Variants in SLC24A4 observed in about 807,000 individuals in gnomAD.
SLC24A4 encodes sodium/potassium/calcium exchanger 4.
SLC24A4 carries 53 observed loss-of-function variants against 79.0 expected under a neutral mutation model. The ratio of observed to expected loss-of-function variants is 0.67; its 90% CI spans 0.54 to 0.84. The LOEUF (loss-of-function observed/expected upper bound fraction) is 0.84. Among genes scored for constraint, SLC24A4 ranks in the 40% least tolerant of loss-of-function variants. The pLI is 0.00. For synonymous variants in SLC24A4, 323 were observed against 323.8 expected, an observed-to-expected ratio of 1.00 and a Z score of 0.03; for missense variants, 731 against 822.0, an observed-to-expected ratio of 0.89 and a Z score of 1.35.
intron 2 of SLC24A4, among the ~76,000 whole-genome samples, chr14:92,404,910 A>G (rs1890296513): frequency 6.6e-6 from 1 of 152,304 alleles, no homozygotes; most frequent in South Asian, 2.1e-4. Flanking sequence ...GGTCCTCAGT[A>G]AATACCTACT....
rs78177185 is a variant in SLC24A4, at chr14:92,367,503, G to A, written c.241+41525G>A. 3.2e-3 allele frequency among the ~76,000 whole-genome samples: 484 copies of A among 152,300 alleles called. 1 individual carries two copies. The highest frequency in any genetic ancestry group is 0.011 in the African/African-American group (473 of 41,548). ...TTTGTTTATCCCAAGGTTGGTCTCC[G>A]GCCTACCTGGGAAGATGAGATTTGA... On this transcript the variant is annotated intron_variant, in intron 2 of 16. Transcript: ENST00000532405.
chr14:92,346,766 C>T (rs952582843), intron 2 of SLC24A4, among the ~76,000 whole-genome samples: 1 of 152,192 alleles, frequency 6.6e-6, no homozygotes, highest in African/African-American at 2.4e-5. Context: ...GGCTGTGACC[C>T]AGACAGATTA....
At chr14:92,364,013 C>G (rs1370543538) in intron 2 of SLC24A4, among the ~76,000 whole-genome samples, 1 of 152,130 alleles carries the variant, frequency 6.6e-6, no homozygotes, top group African/African-American at 2.4e-5. Context: ...TCTCGTCTGT[C>G]CTGGTATCCT....
intron 2 of SLC24A4, among the ~76,000 whole-genome samples, chr14:92,384,693 G>A (rs1029111907): frequency 6.6e-6 from 1 of 152,172 alleles, no homozygotes; most frequent in African/African-American, 2.4e-5. Context: ...CTTTAAATGA[G>A]CATTACAGTG....
At chr14:92,370,367 C>A (rs755297792) in intron 2 of SLC24A4, among the ~76,000 whole-genome samples, 1 of 152,120 alleles carries the variant, frequency 6.6e-6, no homozygotes, top group Non-Finnish European at 1.5e-5. Flanking sequence ...AGATGGAGAT[C>A]ATAATTTCTG....
rs958694538 is a variant in SLC24A4, at chr14:92,449,093, G to GC, written c.759dup (p.Phe254LeufsTer13). 6.2e-7 allele frequency: 1 copy of GC among 1,614,052 alleles called. No individual in the cohort carries two copies. The highest frequency in any genetic ancestry group is 1.3e-5 in the African/African-American group (1 of 74,922). ...TTCCAGGTACAATGTGAAGATGCAAGCCTTTTTCACAGTCAAACAAAAGAG... is the reference window on the plus strand; with the variant it reads ...TTCCAGGTACAATGTGAAGATGCAAGCCCTTTTTCACAGTCAAACAAAAGAG... On this transcript the variant is annotated frameshift_variant, in exon 10 of 17. Transcript: ENST00000532405. LOFTEE classifies it high-confidence loss of function.
Position 92,449,093 on chromosome 14 carries a change from G to A in SLC24A4, c.757G>A (p.Ala253Thr), listed in dbSNP as rs1485872727. ...LIMKYNVKMQAFFTVKQKSIA... is the reference protein window; with the variant it reads ...LIMKYNVKMQTFFTVKQKSIA... ...TTCCAGGTACAATGTGAAGATGCAAGCCTTTTTCACAGTCAAACAAAAGAG... is the reference window on the plus strand; with the variant it reads ...TTCCAGGTACAATGTGAAGATGCAAACCTTTTTCACAGTCAAACAAAAGAG... Residue 253 changes from alanine to threonine, a missense_variant, in exon 10 of 17, where the codon GCC becomes ACC. By Grantham distance (58) the Ala-to-Thr change is moderately conservative (BLOSUM62 0). Transcript: ENST00000532405. 6 of 1,614,052 alleles carry A rather than the reference G, an allele frequency of 3.7e-6. No individual in the cohort carries two copies. Among genetic ancestry groups the A allele is most frequent in the African/African-American group, 2.7e-5 (2 of 74,922 alleles).
chr14:92,328,656 C>G (rs1331603852), intron 2 of SLC24A4, among the ~76,000 whole-genome samples: 1 of 152,256 alleles, frequency 6.6e-6, no homozygotes, highest in Non-Finnish European at 1.5e-5. Context: ...TTACCACCGG[C>G]CCAACCTTAT....
intron 1 of SLC24A4, among the ~76,000 whole-genome samples, chr14:92,324,884 G>C (rs554422697): frequency 2.7e-4 from 41 of 152,210 alleles, no homozygotes; most frequent in Non-Finnish European, 4.4e-4. Flanking sequence ...AGACCATTTA[G>C]AGAGGTGTAC....
chr14:92,466,973 G>A (rs992639268), intron 12 of SLC24A4, among the ~76,000 whole-genome samples: 1 of 152,218 alleles, frequency 6.6e-6, no homozygotes, highest in Non-Finnish European at 1.5e-5. Context: ...AACCTCTGAG[G>A]TGTGAGGCAC....
At position 92,398,686 on chromosome 14, in the gene SLC24A4, GA is replaced by G. The variant is rs111244952; in HGVS notation, c.242-35224del. 6.6e-6 allele frequency among the ~76,000 whole-genome samples: 1 copy of G among 152,192 alleles called. No individual in the cohort carries two copies. Among genetic ancestry groups the G allele is most frequent in the African/African-American group, 2.4e-5 (1 of 41,442 alleles). ...CCCTTCCTCGTGTTAGCCAAAGCGA[GA>G]AGGGGGGTTACTGTAGTTGCTTGGA... On this transcript the variant is annotated intron_variant, in intron 2 of 16. Transcript: ENST00000532405. The surrounding 1 kb of genome is among the most constrained non-coding windows in gnomAD (Gnocchi z 4.1).
At chr14:92,322,702 T>A (rs776628498), upstream of SLC24A4, 1 of 152,362 alleles carries the variant, frequency 6.6e-6, no homozygotes, top group Non-Finnish European at 1.5e-5. Flanking sequence ...TCCCAGCGGG[T>A]CCAAGCTCGT....
chr14:92,330,089 G>A (rs1402725905), intron 2 of SLC24A4, among the ~76,000 whole-genome samples: 1 of 152,108 alleles, frequency 6.6e-6, no homozygotes, highest in Admixed American at 6.5e-5. Flanking sequence ...GTGCTCGCTG[G>A]GCTGGAGACC....
chr14:92,466,693 C>T (rs1480727181), intron 12 of SLC24A4, among the ~76,000 whole-genome samples: 4 of 152,194 alleles, frequency 2.6e-5, no homozygotes, highest in East Asian at 1.9e-4. Flanking sequence ...GGGCTCTAAT[C>T]TGACAGTTGA....
At chr14:92,330,666 A>G (rs994719277) in intron 2 of SLC24A4, among the ~76,000 whole-genome samples, 2 of 152,240 alleles carry the variant, frequency 1.3e-5, no homozygotes, top group African/African-American at 4.8e-5. Flanking sequence ...TCCAAGATCA[A>G]GGTGACTGGT....
chr14:92,487,838 C>G (rs1017910011), intron 14 of SLC24A4, among the ~76,000 whole-genome samples: 26 of 152,092 alleles, frequency 1.7e-4, no homozygotes, highest in African/African-American at 6.0e-4. Context: ...GGGGAGGAAC[C>G]TTCCTTGCCC....
In SLC24A4 at chr14:92,494,120, G is replaced by C. The variant is rs1895846091; in HGVS notation, c.*492G>C. 1 of 155,348 alleles carries C rather than the reference G, an allele frequency of 6.4e-6. No homozygotes were observed. Among genetic ancestry groups the C allele is most frequent in the Non-Finnish European group, 1.4e-5 (1 of 69,660 alleles). The allele number at this position is 155,348 out of a possible 1,614,324, so 9.6% of individuals were successfully genotyped here. A position where few individuals can be genotyped will look rare whatever the true frequency, so the allele number is the denominator to read the frequency against. ...CTCCTGGGAGCCTCTGACTTTTGCT[G>C]GAAGCAGCCACAGTTTGGAAGGGGC... On this transcript the variant is annotated 3_prime_UTR_variant, in exon 17 of 17. Transcript: ENST00000532405. The surrounding 1 kb of genome is among the most constrained non-coding windows in gnomAD (Gnocchi z 4.6).
At chr14:92,448,381 A>ACACACACAC (rs1555371204) in intron 9 of SLC24A4, among the ~76,000 whole-genome samples, 2 of 31,792 alleles carry the variant, frequency 6.3e-5, no homozygotes, top group African/African-American at 2.2e-4. Context: ...CACACACACA[A>ACACACACAC]ATCCCTACTC....
intron 13 of SLC24A4, chr14:92,484,757 C>T: frequency 1.0e-6 from 1 of 985,434 alleles, no homozygotes; most frequent in Non-Finnish European, 1.2e-6. Flanking sequence ...TCACACCCTA[C>T]TCCCAGCCCA....
Sources: gnomAD v4.1 joint callset for allele counts (sites outside exome capture counted in the v4.1 genomes callset) on GRCh38, gnomAD v4.1.1 for gene constraint, Gnocchi (gnomAD v3.1) non-coding constraint, MANE v1.5 for transcripts, NCBI Gene and HGNC (gene_info 2026-07-23, HGNC 2026-07-21) for gene names.